The following ADAMTS6 variants were observed in gnomAD, a reference collection of about 807,000 sequenced individuals.
The protein encoded by ADAMTS6 is ADAM metallopeptidase with thrombospondin type 1 motif 6, also known as A disintegrin and metalloproteinase with thrombospondin motifs 6.
Under a neutral mutation model 144.3 loss-of-function variants are expected in ADAMTS6, and 23 were observed. The observed-to-expected ratio is 0.16, with a 90% CI of 0.11 to 0.23. The LOEUF is 0.23. Ranked by LOEUF, ADAMTS6 falls within the 10% of genes least tolerant of loss-of-function variation. ADAMTS6 has a pLI of 1.00. For missense variants in ADAMTS6, 999 were observed against 1,379.6 expected (o/e 0.72, Z 4.37); for synonymous variants, 444 against 457.5 (o/e 0.97, Z 0.38).
intron 21 of ADAMTS6, among the ~76,000 whole-genome samples, chr5:65,196,046 T>C (rs1172937763): frequency 6.6e-6 from 1 of 152,208 alleles, no homozygotes; most frequent in Non-Finnish European, 1.5e-5. Flanking sequence ...TTAAAATGAA[T>C]GGGCTCTCTC....
chr5:65,448,606 C>T (rs1019731002), intron 7 of ADAMTS6, among the ~76,000 whole-genome samples: 19 of 152,026 alleles, frequency 1.2e-4, no homozygotes, highest in Non-Finnish European at 7.4e-5. Flanking sequence ...GCGCCCGCAA[C>T]CACGCCTGGC....
chr5:65,193,549 A>C (rs1447066007), intron 21 of ADAMTS6, among the ~76,000 whole-genome samples: 1 of 152,076 alleles, frequency 6.6e-6, no homozygotes, highest in African/African-American at 2.4e-5. Context: ...CCCCTATAAA[A>C]TAATGAAAGA....
chr5:65,387,118 T>G (rs1400724662), intron 7 of ADAMTS6, among the ~76,000 whole-genome samples: 1 of 152,208 alleles, frequency 6.6e-6, no homozygotes, highest in Non-Finnish European at 1.5e-5. Flanking sequence ...TAGAGAGTCA[T>G]TCTTTGGTTC....
rs10529076 is a variant in ADAMTS6, at chr5:65,162,620, T to TACACACAC, written c.3244+7989_3244+7996dup. On this transcript the variant is annotated intron_variant, in intron 24 of 24. Transcript: ENST00000381055. The stretch of plus-strand genomic sequence containing the variant: ...TTGTTGTCAGGATTATATAAGATAC[T>TACACACAC]ACACACACACACACACACACACACA... 6.3e-3 allele frequency among the ~76,000 whole-genome samples: 915 copies of TACACACAC among 145,920 alleles called. 9 individuals are homozygous for TACACACAC. The highest frequency in any genetic ancestry group is 0.016 in the African/African-American group (609 of 39,144).
chr5:65,202,739 T>C (rs1354940130), intron 20 of ADAMTS6, among the ~76,000 whole-genome samples: 2 of 152,224 alleles, frequency 1.3e-5, no homozygotes, highest in Non-Finnish European at 2.9e-5. Flanking sequence ...GCCAAACTCT[T>C]TTCATAGCCA....
In ADAMTS6 at chr5:65,408,684, A is replaced by C. The variant is rs141122577; in HGVS notation, c.1073+42791T>G. ...TCTACAGAACTCTCCACCCCAAATC[A>C]ACAGAAGATACATTCTTCTCAGCAA... On this transcript the variant is annotated intron_variant, in intron 7 of 24. Transcript: ENST00000381055. Among the ~76,000 whole-genome samples, 983 of 152,308 alleles carry C rather than the reference A, an allele frequency of 6.5e-3. 6 individuals carry two copies. Among genetic ancestry groups the C allele is most frequent in the African/African-American group, 0.021 (866 of 41,550 alleles).
chr5:65,241,144 A>G (rs1759143509), intron 15 of ADAMTS6, among the ~76,000 whole-genome samples: 1 of 152,088 alleles, frequency 6.6e-6, no homozygotes, highest in African/African-American at 2.4e-5. Flanking sequence ...GGTGGTAAAT[A>G]TAAAGTTGTC....
chr5:65,331,541 A>G (rs551171681), intron 8 of ADAMTS6, among the ~76,000 whole-genome samples: 1 of 152,066 alleles, frequency 6.6e-6, no homozygotes, highest in African/African-American at 2.4e-5. Flanking sequence ...TATTTTCACA[A>G]CCCCCCACAA....
intron 20 of ADAMTS6, among the ~76,000 whole-genome samples, chr5:65,201,883 A>G (rs555431192): frequency 1.2e-4 from 18 of 152,212 alleles, no homozygotes; most frequent in Non-Finnish European, 2.4e-4. Flanking sequence ...ATATAACTAC[A>G]GTATACAGAG....
chr5:65,424,774 A>G (rs2150205259), intron 7 of ADAMTS6, among the ~76,000 whole-genome samples: 1 of 152,308 alleles, frequency 6.6e-6, no homozygotes, highest in East Asian at 1.9e-4. Flanking sequence ...CAATAAATTT[A>G]GCCATTGTTT....
At chr5:65,456,865 A>G (rs1397804416) in intron 4 of ADAMTS6, among the ~76,000 whole-genome samples, 2 of 152,186 alleles carry the variant, frequency 1.3e-5, no homozygotes, top group Non-Finnish European at 2.9e-5. Flanking sequence ...ATGTTTAAAA[A>G]TTCGTAGTTT....
At position 65,160,773 on chromosome 5, in the gene ADAMTS6, C is replaced by T. The variant is rs955933878; in HGVS notation, c.3245-8828G>A. ...ATTCAAGCAATTCTCCTGCCTCAGC[C>T]TCCCAAGTAGCTGGGATTACAGGCA... On this transcript the variant is annotated intron_variant, in intron 24 of 24. Coordinates refer to ENST00000381055, the MANE Select transcript of ADAMTS6 (RefSeq NM_197941.4). Among the ~76,000 whole-genome samples the T allele has an allele frequency of 9.2e-5, 14 of 151,978 alleles. No homozygotes were observed. The South Asian group carries it at 2.7e-3, about 29-fold the overall frequency.
intron 7 of ADAMTS6, among the ~76,000 whole-genome samples, chr5:65,419,905 T>C (rs922756822): frequency 6.6e-6 from 1 of 152,190 alleles, no homozygotes; most frequent in African/African-American, 2.4e-5. Flanking sequence ...GAAATTTAGA[T>C]AGTGGTGATG....
At position 65,334,012 on chromosome 5, in the gene ADAMTS6, A is replaced by AC. The variant is rs747900688; in HGVS notation, c.1117+29_1117+30insG. Reference sequence around the variant, plus strand: ...CTACCTTTATTAAAAAAAAAAAAAAAAAAAAAAAAAAAAACCAAAAAAAAC... The same window carrying AC: ...CTACCTTTATTAAAAAAAAAAAAAAACAAAAAAAAAAAAAACCAAAAAAAAC... On this transcript the variant is annotated intron_variant, in intron 8 of 24. Coordinates refer to ENST00000381055, the MANE Select transcript of ADAMTS6 (RefSeq NM_197941.4). 14 of 1,391,580 alleles carry AC rather than the reference A, an allele frequency of 1.0e-5. No homozygotes were observed. The South Asian group carries it at 2.3e-4, about 23-fold the overall frequency. 86.2% of individuals were successfully genotyped at this position (1,391,580 alleles called of 1,614,324 possible).
chr5:65,255,627 C>CAG (rs1760584087), intron 14 of ADAMTS6, among the ~76,000 whole-genome samples: 1 of 152,030 alleles, frequency 6.6e-6, no homozygotes, highest in Non-Finnish European at 1.5e-5. Flanking sequence ...ATCATCAGGG[C>CAG]AGAAGTACCT....
In ADAMTS6 at chr5:65,203,380, C is replaced by T. The variant is rs150009655; in HGVS notation, c.2576-6229G>A. ...CTCCAGCCTGGGCAACATAGAAAGA[C>T]CTGTCTCTAGAAAAAAGAAAGGATT... On this transcript the variant is annotated intron_variant, in intron 20 of 24. Transcript: ENST00000381055. 1.3e-3 allele frequency among the ~76,000 whole-genome samples: 201 copies of T among 152,230 alleles called. 1 individual carries two copies. The highest frequency in any genetic ancestry group is 3.4e-3 in the African/African-American group (143 of 41,530).
intron 10 of ADAMTS6, among the ~76,000 whole-genome samples, chr5:65,298,790 T>A (rs1361441605): frequency 6.6e-6 from 1 of 152,150 alleles, no homozygotes; most frequent in Non-Finnish European, 1.5e-5. Context: ...TCTTTTGATT[T>A]GTTTTTTAAT....
chr5:65,325,433 A>T (rs1580399583), intron 9 of ADAMTS6, among the ~76,000 whole-genome samples: 1 of 152,100 alleles, frequency 6.6e-6, no homozygotes, highest in Admixed American at 6.6e-5. Flanking sequence ...GGTTGAGACA[A>T]GATACTGATA....
At chr5:65,436,532 C>G (rs1435473316) in intron 7 of ADAMTS6, among the ~76,000 whole-genome samples, 1 of 151,118 alleles carries the variant, frequency 6.6e-6, no homozygotes, top group Non-Finnish European at 1.5e-5. Context: ...AAGCTGCATT[C>G]CTTTATTTTA....
Sources: allele counts gnomAD v4.1 joint callset (sites outside exome capture counted in the v4.1 genomes callset), GRCh38; gene constraint gnomAD v4.1.1; transcripts MANE v1.5; gene names NCBI Gene and HGNC (gene_info 2026-07-23, HGNC 2026-07-21).